Variants in EDIL3 observed in about 807,000 individuals in gnomAD.
The protein encoded by EDIL3 is EGF like and discoidin domains 3, also known as EGF-like repeat and discoidin I-like domain-containing protein 3.
EDIL3 carries 37 observed loss-of-function variants against 67.4 expected under a neutral mutation model. The ratio of observed to expected loss-of-function variants is 0.55; its 90% CI spans 0.42 to 0.72. The LOEUF is 0.72. Ranked by LOEUF, EDIL3 falls within the 30% of genes least tolerant of loss-of-function variation. The pLI is 0.00. For missense variants in EDIL3, 527 were observed against 586.3 expected (o/e 0.90, Z 1.04); for synonymous variants, 195 against 196.3 (o/e 0.99, Z 0.05).
intron 3 of EDIL3, among the ~76,000 whole-genome samples, chr5:84,192,490 C>T (rs955226925): frequency 6.6e-6 from 1 of 151,926 alleles, no homozygotes; most frequent in East Asian, 1.9e-4. Flanking sequence ...CCTTTCTTCA[C>T]CTCCTCTTTT....
At chr5:84,261,709 A>C (rs1237436625) in intron 1 of EDIL3, among the ~76,000 whole-genome samples, 1 of 152,168 alleles carries the variant, frequency 6.6e-6, no homozygotes, top group Admixed American at 6.5e-5. Flanking sequence ...TCTCCACCTC[A>C]GTGTCCACAG....
At chr5:84,094,748 C>T (rs902298564) in intron 6 of EDIL3, among the ~76,000 whole-genome samples, 5 of 152,148 alleles carry the variant, frequency 3.3e-5, no homozygotes, top group African/African-American at 1.2e-4. Context: ...ACAATTTATG[C>T]TCACTTAATT....
chr5:84,031,186 T>G (rs1404650588), intron 9 of EDIL3, among the ~76,000 whole-genome samples: 2 of 152,176 alleles, frequency 1.3e-5, no homozygotes, highest in Non-Finnish European at 2.9e-5. Context: ...CCAAATATAA[T>G]CACATTCTGA....
intron 3 of EDIL3, among the ~76,000 whole-genome samples, chr5:84,221,338 A>G (rs558016496): frequency 2.0e-4 from 31 of 152,276 alleles, no homozygotes; most frequent in Non-Finnish European, 3.7e-4. Context: ...TAAAGATATT[A>G]TTTTTCACTC....
chr5:84,165,067 T>C (rs1489243471), intron 4 of EDIL3, among the ~76,000 whole-genome samples: 3 of 152,020 alleles, frequency 2.0e-5, no homozygotes, highest in Admixed American at 6.6e-5. Context: ...AAGGGGAATA[T>C]GAAAATAAAT....
chr5:83,948,259 T>A (rs1744348417), intron 10 of EDIL3, among the ~76,000 whole-genome samples: 1 of 151,718 alleles, frequency 6.6e-6, no homozygotes, highest in Non-Finnish European at 1.5e-5. Context: ...TTCTGATTTT[T>A]GTGGCTGACA....
intron 3 of EDIL3, among the ~76,000 whole-genome samples, chr5:84,204,949 G>C (rs1032011237): frequency 1.3e-5 from 2 of 151,984 alleles, no homozygotes; most frequent in African/African-American, 4.8e-5. Flanking sequence ...GTCTTGCTCT[G>C]TTGCCCAGGC....
intron 1 of EDIL3, among the ~76,000 whole-genome samples, chr5:84,342,001 C>T (rs992087605): frequency 3.3e-5 from 5 of 151,900 alleles, no homozygotes; most frequent in African/African-American, 1.2e-4. Flanking sequence ...ACAAACCCTC[C>T]CCTGGGTATC....
rs75648472 is a variant in EDIL3, at chr5:84,072,005, A to G, written c.652-5399T>C. ...TGGGACAATTTGATAGATTTCTCAA[A>G]TAAATTTAGATCATTGCCTATCATC... On this transcript the variant is annotated intron_variant, in intron 6 of 10. Transcript: ENST00000296591. Among the ~76,000 whole-genome samples, 939 of 152,290 alleles carry G rather than the reference A, an allele frequency of 6.2e-3. 12 individuals carry two copies. The highest frequency in any genetic ancestry group is 9.5e-3 in the Non-Finnish European group (648 of 67,994).
intron 6 of EDIL3, among the ~76,000 whole-genome samples, chr5:84,067,429 A>T (rs1746664105): frequency 6.6e-6 from 1 of 152,208 alleles, no homozygotes; most frequent in Non-Finnish European, 1.5e-5. Context: ...AAACATTAAA[A>T]TTTCACATAT....
At chr5:84,340,998 A>G (rs888439613) in intron 1 of EDIL3, among the ~76,000 whole-genome samples, 1 of 151,946 alleles carries the variant, frequency 6.6e-6, no homozygotes, top group Non-Finnish European at 1.5e-5. Context: ...GCTTGGTTTA[A>G]AAGTCAGCTC....
chr5:84,323,945 TAGAC>T (rs1224830530), intron 1 of EDIL3, among the ~76,000 whole-genome samples: 2 of 151,654 alleles, frequency 1.3e-5, no homozygotes, highest in African/African-American at 4.8e-5. Context: ...AAGGGAAAAA[TAGAC>T]AGTTCTACAA....
intron 6 of EDIL3, among the ~76,000 whole-genome samples, chr5:84,103,333 G>A (rs368755972): frequency 2.0e-5 from 3 of 151,808 alleles, no homozygotes; most frequent in Admixed American, 6.6e-5. Context: ...ACAAAGAGAC[G>A]GAAAACAATT....
intron 4 of EDIL3, among the ~76,000 whole-genome samples, chr5:84,168,835 G>C (rs1194294961): frequency 6.6e-6 from 1 of 152,124 alleles, no homozygotes; most frequent in Non-Finnish European, 1.5e-5. Context: ...TCTCCAAATA[G>C]AAATTAGTTC....
At chr5:84,103,575 T>G (rs1747406544) in intron 6 of EDIL3, among the ~76,000 whole-genome samples, 1 of 151,892 alleles carries the variant, frequency 6.6e-6, no homozygotes. Context: ...CAGACAATTT[T>G]CAAAAGAAGA....
At chr5:84,164,619 G>T (rs1334829646) in intron 4 of EDIL3, among the ~76,000 whole-genome samples, 1 of 151,968 alleles carries the variant, frequency 6.6e-6, no homozygotes, top group Non-Finnish European at 1.5e-5. Flanking sequence ...TTCTGCTTTG[G>T]TAGTCAAACC....
intron 6 of EDIL3, among the ~76,000 whole-genome samples, chr5:84,103,534 A>G (rs1747405790): frequency 1.3e-5 from 2 of 151,806 alleles, no homozygotes; most frequent in African/African-American, 4.9e-5. Flanking sequence ...AAAACAAACA[A>G]CTTCATTAAA....
At chr5:84,188,151 T>A (rs1743503634) in intron 3 of EDIL3, among the ~76,000 whole-genome samples, 1 of 152,164 alleles carries the variant, frequency 6.6e-6, no homozygotes, top group South Asian at 2.1e-4. Flanking sequence ...TATACGTCTG[T>A]CTATAAGAAG....
chr5:84,108,429 T>A (rs1239606640), intron 5 of EDIL3, among the ~76,000 whole-genome samples: 4 of 152,256 alleles, frequency 2.6e-5, no homozygotes, highest in African/African-American at 2.4e-5. Context: ...GATCTTTTTT[T>A]AACATGTAAT....
Sources: gnomAD v4.1 joint callset for allele counts (sites outside exome capture counted in the v4.1 genomes callset) on GRCh38, gnomAD v4.1.1 for gene constraint, MANE v1.5 for transcripts, NCBI Gene and HGNC (gene_info 2026-07-23, HGNC 2026-07-21) for gene names.